Variants in ZNF292 observed in about 807,000 individuals in gnomAD.
ZNF292 encodes 16 zinc-finger domain protein.
A neutral mutation model predicts 217.9 loss-of-function variants in ZNF292; 26 were observed. The observed-to-expected ratio is 0.12, with a 90% confidence interval of 0.09 to 0.17. The LOEUF (loss-of-function observed/expected upper bound fraction) is 0.17, where lower values mean the gene tolerates loss of function less well. Ranked by LOEUF, ZNF292 falls within the 10% of genes least tolerant of loss-of-function variation. The pLI, the probability that ZNF292 is intolerant of heterozygous loss-of-function variation, is 1.00. For missense variants in ZNF292, 2,904 were observed against 3,175.2 expected (o/e 0.91, Z 2.05); for synonymous variants, 1,257 against 1,124.1 (o/e 1.12, Z -2.37).
chr6:87,251,096 A>G (rs1774897232), intron 7 of ZNF292, among the ~76,000 whole-genome samples: 2 of 152,214 alleles, frequency 1.3e-5, no homozygotes, highest in Admixed American at 1.3e-4. Flanking sequence ...AGAAAAAAAC[A>G]CATAAAGTAG....
intron 4 of ZNF292, among the ~76,000 whole-genome samples, chr6:87,224,683 A>G (rs1004649712): frequency 1.3e-5 from 2 of 152,214 alleles, no homozygotes; most frequent in Non-Finnish European, 2.9e-5. Flanking sequence ...TCACTAAATA[A>G]TATTCCATTA....
chr6:87,199,574 T>C (rs1038629647), intron 1 of ZNF292, among the ~76,000 whole-genome samples: 1 of 152,222 alleles, frequency 6.6e-6, no homozygotes, highest in Non-Finnish European at 1.5e-5. Context: ...TTTTATAGGT[T>C]TAGTTCTTCA....
intron 5 of ZNF292, among the ~76,000 whole-genome samples, chr6:87,238,615 GTTT>G (rs71763831): frequency 7.2e-6 from 1 of 137,942 alleles, no homozygotes; most frequent in Non-Finnish European, 1.6e-5. Flanking sequence ...TATTTTTTTG[GTTT>G]TTTTTTTTCA....
At position 87,261,805 on chromosome 6, in the gene ZNF292, T is replaced by C; in HGVS notation, c.*4T>C. On this transcript the variant is annotated 3_prime_UTR_variant, in exon 8 of 8. Coordinates refer to ENST00000369577, the MANE Select transcript of ZNF292 (RefSeq NM_015021.3). ...CACAGGCAGAGGTCAGTACTGATAA[T>C]TAATGTAGTATAAATACATCATTTA... 1 of 1,575,940 alleles carries C rather than the reference T, an allele frequency of 6.3e-7. No individual in the cohort carries two copies. Among genetic ancestry groups the C allele is most frequent in the Non-Finnish European group, 8.7e-7 (1 of 1,155,788 alleles).
At chr6:87,250,107 C>T (rs778927164) in intron 7 of ZNF292, among the ~76,000 whole-genome samples, 5 of 151,488 alleles carry the variant, frequency 3.3e-5, no homozygotes, top group African/African-American at 9.7e-5. Flanking sequence ...ATACAGTTGG[C>T]CCTCCATATT....
At chr6:87,177,943 A>G (rs1483583774) in intron 1 of ZNF292, among the ~76,000 whole-genome samples, 1 of 152,008 alleles carries the variant, frequency 6.6e-6, no homozygotes, top group Non-Finnish European at 1.5e-5. Context: ...CATATCTCTT[A>G]TTTTTTTGTA....
chr6:87,240,521 C>G (rs749079603), intron 5 of ZNF292, among the ~76,000 whole-genome samples: 1 of 152,298 alleles, frequency 6.6e-6, no homozygotes, highest in East Asian at 1.9e-4. Flanking sequence ...CTCCCAGGTT[C>G]AAGCAATTCT....
At position 87,182,089 on chromosome 6, in the gene ZNF292, CAT is replaced by C. The variant is rs760314738; in HGVS notation, c.168+26334_168+26335del. On this transcript the variant is annotated intron_variant, in intron 1 of 7. Coordinates refer to ENST00000369577, the MANE Select transcript of ZNF292 (RefSeq NM_015021.3). ...TACCAGTGCTTCCTCCTCACCCACT[CAT>C]ATACAGGGCATATTTGGGTCACTGC... Among the ~76,000 whole-genome samples, 5 of 152,304 alleles carry C rather than the reference CAT, an allele frequency of 3.3e-5. No homozygotes were observed. The South Asian group carries it at 8.3e-4, about 25-fold the overall frequency.
intron 1 of ZNF292, among the ~76,000 whole-genome samples, chr6:87,157,767 C>A (rs753327635): frequency 6.6e-6 from 1 of 152,160 alleles, no homozygotes; most frequent in Non-Finnish European, 1.5e-5. Context: ...CAGCTCACTG[C>A]AGCCTCCATC....
intron 1 of ZNF292, among the ~76,000 whole-genome samples, chr6:87,187,053 A>G (rs574107042): frequency 1.3e-5 from 2 of 152,282 alleles, no homozygotes; most frequent in South Asian, 4.1e-4. Flanking sequence ...TATTAATATT[A>G]TATGAGCTAG....
chr6:87,165,020 C>T (rs1053305686), intron 1 of ZNF292, among the ~76,000 whole-genome samples: 1 of 151,948 alleles, frequency 6.6e-6, no homozygotes, highest in African/African-American at 2.4e-5. Context: ...GCCTCAGCCT[C>T]CCAAAGTGCC....
chr6:87,236,719 C>G (rs1293015676), intron 5 of ZNF292, among the ~76,000 whole-genome samples: 1 of 152,192 alleles, frequency 6.6e-6, no homozygotes, highest in East Asian at 1.9e-4. Context: ...TGACATTCTT[C>G]TATGCACATA....
In ZNF292 at chr6:87,257,116, A is replaced by G; in HGVS notation, c.3487A>G (p.Ser1163Gly). Residue 1163 changes from serine to glycine, a missense_variant, in exon 8 of 8, where the codon AGC becomes GGC. Coordinates refer to ENST00000369577, the MANE Select transcript of ZNF292 (RefSeq NM_015021.3). ...FVYFLPSPVNSSNPFFTSQTK... is the reference protein window; with the variant it reads ...FVYFLPSPVNGSNPFFTSQTK... ...TTATTTTTTGCCATCACCGGTGAAC[A>G]GCTCAAATCCATTTTTTACATCACA... is the stretch of plus-strand genomic sequence containing the variant. The G allele has an allele frequency of 6.2e-7, 1 of 1,613,906 alleles. No individual in the cohort carries two copies. The highest frequency in any genetic ancestry group is 8.5e-7 in the Non-Finnish European group (1 of 1,179,846).
intron 1 of ZNF292, among the ~76,000 whole-genome samples, chr6:87,156,938 A>G (rs1770563761): frequency 6.6e-6 from 1 of 152,236 alleles, no homozygotes; most frequent in African/African-American, 2.4e-5. Flanking sequence ...TACACAGGTC[A>G]TATTTAGAGT....
intron 5 of ZNF292, among the ~76,000 whole-genome samples, chr6:87,237,259 T>C (rs1342530505): frequency 6.6e-6 from 1 of 152,228 alleles, no homozygotes; most frequent in African/African-American, 2.4e-5. Flanking sequence ...TTTGTTTTTT[T>C]GGAGACAGAG....
intron 1 of ZNF292, among the ~76,000 whole-genome samples, chr6:87,197,421 G>GTTT (rs71014999): frequency 1.4e-5 from 2 of 141,588 alleles, no homozygotes; most frequent in Non-Finnish European, 3.1e-5. Flanking sequence ...TAACATTTGG[G>GTTT]TTTTTTTTTT....
intron 7 of ZNF292, among the ~76,000 whole-genome samples, 166 bp downstream of exon 7, chr6:87,245,810 C>G (rs1774548958): frequency 6.6e-6 from 1 of 152,082 alleles, no homozygotes; most frequent in African/African-American, 2.4e-5. Context: ...TACAGAAAAA[C>G]TTAAAAATGC....
Position 87,259,245 on chromosome 6 carries a change from G to C in ZNF292, c.5616G>C (p.Thr1872=), listed in dbSNP as rs762470306. ...ATACATCAGTGACACTGACTCCCACGCCTGTTAAATCAACTGCAGATATCA... is the reference window on the plus strand; with the variant it reads ...ATACATCAGTGACACTGACTCCCACCCCTGTTAAATCAACTGCAGATATCA... ...LINTSVTLTP[T]PVKSTADITV... is the part of the protein sequence containing the mutation. Residue 1872 remains threonine, a synonymous_variant, in exon 8 of 8, where the codon ACG becomes ACC. Coordinates refer to ENST00000369577, the MANE Select transcript of ZNF292 (RefSeq NM_015021.3). 3 of 1,613,476 alleles carry C rather than the reference G, an allele frequency of 1.9e-6. No individual in the cohort carries two copies. In the African/African-American group the frequency reaches 4.0e-5, roughly 22 times the overall value.
At chr6:87,198,973 A>G (rs1772034907) in intron 1 of ZNF292, among the ~76,000 whole-genome samples, 1 of 152,204 alleles carries the variant, frequency 6.6e-6, no homozygotes, top group Non-Finnish European at 1.5e-5. Context: ...TGCTGTGAAC[A>G]GTCATATACT....
Sources: gnomAD v4.1 joint callset for allele counts (sites outside exome capture counted in the v4.1 genomes callset) on GRCh38, gnomAD v4.1.1 for gene constraint, MANE v1.5 for transcripts, NCBI Gene and HGNC (gene_info 2026-07-23, HGNC 2026-07-21) for gene names.